The following ARID4B variants were observed in gnomAD, a reference collection of about 807,000 sequenced individuals.
ARID4B encodes AT-rich interactive domain-containing protein 4B.
ARID4B carries 26 observed loss-of-function variants against 147.5 expected under a neutral mutation model. That is an observed-to-expected ratio of 0.18 (90% CI 0.13 to 0.24). The LOEUF is 0.24. ARID4B is among the 10% of genes least tolerant of loss of function. The pLI is 1.00. For missense variants in ARID4B, 1,179 were observed against 1,511.5 expected, an observed-to-expected ratio of 0.78 and a Z score of 3.65; for synonymous variants, 512 against 507.9, an observed-to-expected ratio of 1.01 and a Z score of -0.11.
chr1:235,323,123 C>T (rs1406550453), intron 2 of ARID4B, among the ~76,000 whole-genome samples: 4 of 151,640 alleles, frequency 2.6e-5, no homozygotes, highest in Admixed American at 6.6e-5. Flanking sequence ...TCACTGCAAC[C>T]TCCACCTCCT....
chr1:235,217,303 T>A (rs1000279367), intron 16 of ARID4B, among the ~76,000 whole-genome samples: 7 of 152,170 alleles, frequency 4.6e-5, no homozygotes, highest in African/African-American at 1.4e-4. Flanking sequence ...ACTAATGTGC[T>A]AAACCAGATG....
At chr1:235,319,598 C>T (rs892238270) in intron 2 of ARID4B, among the ~76,000 whole-genome samples, 2 of 152,094 alleles carry the variant, frequency 1.3e-5, no homozygotes, top group African/African-American at 4.8e-5. Flanking sequence ...AAGGATTGCT[C>T]AACTCAATGT....
intron 8 of ARID4B, among the ~76,000 whole-genome samples, chr1:235,237,806 G>A (rs1668704426): frequency 6.6e-6 from 1 of 152,212 alleles, no homozygotes; most frequent in African/African-American, 2.4e-5. Flanking sequence ...GAAAATGAGA[G>A]AATGAGAATA....
intron 2 of ARID4B, among the ~76,000 whole-genome samples, chr1:235,270,846 T>A (rs1441381856): frequency 6.6e-6 from 1 of 152,120 alleles, no homozygotes; most frequent in Non-Finnish European, 1.5e-5. Context: ...ACTTTCATGA[T>A]CTGGAAATTA....
At chr1:235,237,196 C>A (rs1419180774) in intron 8 of ARID4B, among the ~76,000 whole-genome samples, 1 of 151,842 alleles carries the variant, frequency 6.6e-6, no homozygotes, top group South Asian at 2.1e-4. Context: ...TCAAAAGAAA[C>A]TCACAAAGAC....
rs1553299956 is a variant in ARID4B, at chr1:235,236,833, A to AATAT, written c.586-2345_586-2342dup. Among the ~76,000 whole-genome samples, 90 of 33,506 alleles carry AATAT rather than the reference A, an allele frequency of 2.7e-3. 1 individual carries two copies. The highest frequency in any genetic ancestry group is 6.0e-3 in the East Asian group (4 of 670). The allele number at this position is 33,506 out of a possible 152,430, so 22.0% of individuals were successfully genotyped here. On this transcript the variant is annotated intron_variant, in intron 8 of 23. Transcript: ENST00000264183. ...TGGCCCACAAAACGGTTTTATAAAA[A>AATAT]ATATATATATATATATATATATATA...
At chr1:235,177,057 ATTGTTTG>A (rs1225529539) in intron 21 of ARID4B, among the ~76,000 whole-genome samples, 1 of 152,246 alleles carries the variant, frequency 6.6e-6, no homozygotes, top group Non-Finnish European at 1.5e-5. Flanking sequence ...AGCAAAAAGT[ATTGTTTG>A]TAGTTACTCT....
At chr1:235,199,715 T>C (rs758573215) in intron 17 of ARID4B, among the ~76,000 whole-genome samples, 16 of 152,110 alleles carry the variant, frequency 1.1e-4, no homozygotes, top group Non-Finnish European at 2.2e-4. Context: ...AGAATTTTGG[T>C]TGGGGAAGCT....
chr1:235,191,983 T>C (rs1054592992), intron 19 of ARID4B, among the ~76,000 whole-genome samples: 12 of 151,902 alleles, frequency 7.9e-5, no homozygotes, highest in African/African-American at 2.2e-4. Flanking sequence ...GAGGCTGAGA[T>C]GGAAAGGTCG....
chr1:235,284,176 C>T (rs1282045106), intron 2 of ARID4B, among the ~76,000 whole-genome samples: 1 of 152,090 alleles, frequency 6.6e-6, no homozygotes, highest in Non-Finnish European at 1.5e-5. Flanking sequence ...GCCTGGCCAA[C>T]ATGTGAAACC....
chr1:235,257,544 G>A (rs551065109), intron 3 of ARID4B, among the ~76,000 whole-genome samples: 128 of 150,890 alleles, frequency 8.5e-4, no homozygotes, highest in African/African-American at 3.0e-3. Context: ...GTGCAGTAGC[G>A]CAATCTTGGC....
At chr1:235,240,020 C>T (rs1049902121) in intron 8 of ARID4B, among the ~76,000 whole-genome samples, 4 of 152,064 alleles carry the variant, frequency 2.6e-5, no homozygotes, top group African/African-American at 9.7e-5. Flanking sequence ...GCAATCTAGA[C>T]CTACATGGAC....
intron 2 of ARID4B, among the ~76,000 whole-genome samples, chr1:235,299,972 T>A (rs1254365548): frequency 6.6e-6 from 1 of 152,170 alleles, no homozygotes; most frequent in Non-Finnish European, 1.5e-5. Context: ...AATATCCAAA[T>A]GGGTTCCTGA....
intron 2 of ARID4B, among the ~76,000 whole-genome samples, chr1:235,310,832 G>A (rs1371847753): frequency 6.6e-6 from 1 of 151,990 alleles, no homozygotes; most frequent in Non-Finnish European, 1.5e-5. Context: ...CACCACTCCT[G>A]GCTATTTTAA....
chr1:235,289,687 T>C (rs1309461068), intron 2 of ARID4B, among the ~76,000 whole-genome samples: 1 of 145,998 alleles, frequency 6.8e-6, no homozygotes, highest in Non-Finnish European at 1.5e-5. Flanking sequence ...ATTGGACCAC[T>C]GCACTCCAGC....
chr1:235,327,199 C>T, intron 1 of ARID4B: 2 of 400,038 alleles, frequency 5.0e-6, no homozygotes. Context: ...CGAGACCCGA[C>T]GGAGTTTCCC....
intron 2 of ARID4B, among the ~76,000 whole-genome samples, chr1:235,306,385 C>T (rs1156915802): frequency 6.6e-6 from 1 of 151,804 alleles, no homozygotes; most frequent in Non-Finnish European, 1.5e-5. Flanking sequence ...CACCTGTAGT[C>T]CCAGTTACTC....
chr1:235,236,863 T>TATATATATATATA (rs1491159347), intron 8 of ARID4B, among the ~76,000 whole-genome samples: 2 of 17,908 alleles, frequency 1.1e-4, no homozygotes, highest in East Asian at 2.7e-3. Context: ...TATATATATA[T>TATATATATATATA]TTTTTTTTTT....
chr1:235,202,334 C>T (rs1166879216), intron 17 of ARID4B, among the ~76,000 whole-genome samples: 2 of 151,870 alleles, frequency 1.3e-5, no homozygotes, highest in African/African-American at 4.8e-5. Context: ...ATTAATTCTA[C>T]AGATGGAATC....
Sources: gnomAD v4.1 joint callset for allele counts (sites outside exome capture counted in the v4.1 genomes callset) on GRCh38, gnomAD v4.1.1 for gene constraint, MANE v1.5 for transcripts, NCBI Gene and HGNC (gene_info 2026-07-23, HGNC 2026-07-21) for gene names.